ACACB: variants seen among roughly 807,000 people sequenced by gnomAD.
ACACB encodes the protein acetyl-CoA carboxylase 2.
A neutral mutation model predicts 278.8 loss-of-function variants in ACACB; 209 were observed. The observed-to-expected ratio is 0.75, with a 90% CI of 0.67 to 0.84. The LOEUF (loss-of-function observed/expected upper bound fraction) is 0.84, where lower values mean the gene tolerates loss of function less well. Ranked by LOEUF, ACACB falls within the 40% of genes least tolerant of loss-of-function variation. ACACB has a pLI of 0.00. For synonymous variants in ACACB, 1,174 were observed against 1,285.6 expected (o/e 0.91, Z 1.86); for missense variants, 2,850 against 3,269.0 (o/e 0.87, Z 3.13).
chr12:109,118,412 C>CT (rs59488592), intron 1 of ACACB, among the ~76,000 whole-genome samples: 1,650 of 129,364 alleles, frequency 0.013, 32 homozygotes, highest in African/African-American at 0.037. Flanking sequence ...TGACCTTGTT[C>CT]TTTTTTTTTT....
chr12:109,245,831 G>C lies in ACACB; in HGVS notation c.5301+83G>C, dbSNP rs1483981449. ...GGGCCAGGTGCAGTAGCTCACACCT[G>C]TAATCCCAGTGCTTTGGGAGGCCAA... On this transcript the variant is annotated intron_variant, in intron 38 of 52. Transcript: ENST00000338432. The C allele has an allele frequency of 4.6e-6, 7 of 1,532,408 alleles. No individual in the cohort carries two copies. In the Admixed American group the frequency reaches 9.8e-5, roughly 21 times the overall value. The allele number at this position is 1,532,408 out of a possible 1,614,324, so 94.9% of individuals were successfully genotyped here.
rs2047538512 is a variant in ACACB at position 109,267,185 on chromosome 12, G to T, written c.*823G>T. 1 of 152,160 alleles carries T rather than the reference G, an allele frequency of 6.6e-6. No individual in the cohort carries two copies. Among genetic ancestry groups the T allele is most frequent in the Non-Finnish European group, 1.5e-5 (1 of 68,050 alleles). The allele number at this position is 152,160 out of a possible 1,614,324, so 9.4% of individuals were successfully genotyped here. A position where few individuals can be genotyped will look rare whatever the true frequency, so the allele number is the denominator to read the frequency against. On this transcript the variant is annotated 3_prime_UTR_variant, in exon 53 of 53. Coordinates refer to ENST00000338432, the MANE Select transcript of ACACB (RefSeq NM_001093.4). ...CATGAGCCACCATCTTCAGCCAGAT[G>T]ATTTTTTTATTGAGAGAGTGAAATG...
chr12:109,207,824 G>A (rs920673155), intron 20 of ACACB, among the ~76,000 whole-genome samples: 2 of 152,108 alleles, frequency 1.3e-5, no homozygotes, highest in African/African-American at 2.4e-5. Context: ...GATTACAGGC[G>A]TGTGCCACCA....
At chr12:109,133,988 G>A (rs1379377441) in intron 1 of ACACB, among the ~76,000 whole-genome samples, 1 of 147,156 alleles carries the variant, frequency 6.8e-6, no homozygotes, top group African/African-American at 2.5e-5. Context: ...GTGCCATCAT[G>A]GCTCACTGTA....
At chr12:109,169,283 G>T (rs1343029419) in intron 4 of ACACB, among the ~76,000 whole-genome samples, 1 of 151,852 alleles carries the variant, frequency 6.6e-6, no homozygotes, top group Non-Finnish European at 1.5e-5. Context: ...AAGCCTTCCT[G>T]CCCCAAGCTC....
At chr12:109,231,468 C>T (rs1457810994) in intron 28 of ACACB, among the ~76,000 whole-genome samples, 1 of 152,178 alleles carries the variant, frequency 6.6e-6, no homozygotes, top group East Asian at 1.9e-4. Context: ...TTCAGCCACA[C>T]TGCCACTGCA....
At chr12:109,242,028 AT>A (rs2046813428) in intron 36 of ACACB, 1 of 157,714 alleles carries the variant, frequency 6.3e-6, no homozygotes, top group South Asian at 2.0e-4. Flanking sequence ...AAGAAAAAAA[AT>A]AGTGCAGAGG....
intron 19 of ACACB, among the ~76,000 whole-genome samples, chr12:109,205,162 C>T (rs2136357812): frequency 6.6e-6 from 1 of 152,278 alleles, no homozygotes; most frequent in Non-Finnish European, 1.5e-5. Context: ...CATCACTAGT[C>T]TCTTTAGGGA....
At chr12:109,259,166 A>C in intron 47 of ACACB, 58 bp downstream of exon 47, 1 of 1,583,424 alleles carries the variant, frequency 6.3e-7, no homozygotes, top group Non-Finnish European at 8.6e-7. Flanking sequence ...CCAGGACAGC[A>C]CCCTCTGGGT....
chr12:109,252,256 CCAGT>C, intron 42 of ACACB, 100 bp downstream of exon 42: 2 of 770,884 alleles, frequency 2.6e-6, no homozygotes, highest in Non-Finnish European at 4.0e-6. Flanking sequence ...CAATATGAAG[CCAGT>C]TTCATTCCTA....
intron 7 of ACACB, among the ~76,000 whole-genome samples, chr12:109,175,089 G>T (rs754204949): frequency 1.3e-5 from 2 of 152,122 alleles, no homozygotes; most frequent in Non-Finnish European, 2.9e-5. Flanking sequence ...CAAAGGAATG[G>T]AGCTTTGATA....
intron 19 of ACACB, among the ~76,000 whole-genome samples, chr12:109,205,453 G>C (rs2045473833): frequency 6.7e-6 from 1 of 150,232 alleles, no homozygotes; most frequent in African/African-American, 2.5e-5. Flanking sequence ...CCTCAAGTCA[G>C]CTTTTTTTTT....
At chr12:109,131,343 T>G (rs2042821609) in intron 1 of ACACB, 1 of 152,728 alleles carries the variant, frequency 6.5e-6, no homozygotes, top group South Asian at 2.1e-4. Flanking sequence ...GGTGACACTC[T>G]GCCAGCTGGG....
At chr12:109,228,762 A>C (rs906970043) in intron 28 of ACACB, among the ~76,000 whole-genome samples, 1 of 152,160 alleles carries the variant, frequency 6.6e-6, no homozygotes, top group East Asian at 1.9e-4. Flanking sequence ...CATGGTAGAA[A>C]GTTCTAGTAG....
chr12:109,206,453 A>C (rs2045516320), intron 19 of ACACB, among the ~76,000 whole-genome samples: 1 of 149,382 alleles, frequency 6.7e-6, no homozygotes, highest in African/African-American at 2.5e-5. Context: ...AACAGATCTC[A>C]CCGCCACCCC....
intron 2 of ACACB, among the ~76,000 whole-genome samples, chr12:109,151,433 A>C (rs1378487126): frequency 6.6e-6 from 1 of 151,642 alleles, no homozygotes; most frequent in Non-Finnish European, 1.5e-5. Context: ...AAAATTATTC[A>C]CTTCTGCTCT....
chr12:109,168,080 C>A (rs1326383198), intron 4 of ACACB, 46 bp downstream of exon 4: 3 of 1,564,398 alleles, frequency 1.9e-6, no homozygotes, highest in Non-Finnish European at 2.6e-6. Flanking sequence ...CCATCCTTGC[C>A]TGCCCTCGCC....
At chr12:109,258,201 A>ACC in intron 45 of ACACB, 67 bp from the exon 46 acceptor site, 1 of 1,248,768 alleles carries the variant, frequency 8.0e-7, no homozygotes, top group Non-Finnish European at 1.1e-6. Flanking sequence ...TCACCCCCAC[A>ACC]CCCAGAGGTC....
At chr12:109,186,725 G>A (rs2044676384) in intron 12 of ACACB, among the ~76,000 whole-genome samples, 1 of 152,130 alleles carries the variant, frequency 6.6e-6, no homozygotes, top group African/African-American at 2.4e-5. Context: ...AGCTAGGGTA[G>A]CTGTATTCAT....
Sources: allele counts gnomAD v4.1 joint callset (sites outside exome capture counted in the v4.1 genomes callset), GRCh38; gene constraint gnomAD v4.1.1; transcripts MANE v1.5; gene names NCBI Gene and HGNC (gene_info 2026-07-23, HGNC 2026-07-21).